PTPRD: variants seen among roughly 807,000 people sequenced by gnomAD.
PTPRD encodes the protein protein tyrosine phosphatase receptor type D, also known as receptor-type tyrosine-protein phosphatase delta.
In PTPRD, 34 loss-of-function variants were observed where a neutral mutation model predicts 214.5. That is an observed-to-expected ratio of 0.16 (90% CI 0.12 to 0.21). The LOEUF is 0.21. PTPRD is among the 10% of genes least tolerant of loss of function. The pLI, the probability that PTPRD is intolerant of heterozygous loss-of-function variation, is 1.00. For missense variants in PTPRD, 2,545 were observed against 2,398.7 expected, an observed-to-expected ratio of 1.06 and a Z score of -1.27; for synonymous variants, 1,128 against 845.7, an observed-to-expected ratio of 1.33 and a Z score of -5.79.
Position 10,470,045 on chromosome 9 carries a change from T to C in PTPRD, c.-599-129028A>G, listed in dbSNP as rs959511669. On this transcript the variant is annotated intron_variant, in intron 2 of 45. Coordinates refer to ENST00000381196, the MANE Select transcript of PTPRD (RefSeq NM_002839.4). ...GAATAAAGAGGCGTTGGTTAACAGG[T>C]AGTGTTTGGTACCAAAATAGGGGGC... Among the ~76,000 whole-genome samples the C allele has an allele frequency of 3.4e-4, 51 of 151,738 alleles. 1 individual carries two copies. Among genetic ancestry groups the C allele is most frequent in the Admixed American group, 3.4e-3 (51 of 15,210 alleles).
intron 31 of PTPRD, among the ~76,000 whole-genome samples, chr9:8,466,602 A>G (rs1274224828): frequency 6.6e-6 from 1 of 151,908 alleles, no homozygotes; most frequent in Non-Finnish European, 1.5e-5. Context: ...CACAGGGTTT[A>G]ACAAGGGAAA....
chr9:9,574,291 T>C (rs1466244774), intron 8 of PTPRD, among the ~76,000 whole-genome samples: 1 of 151,988 alleles, frequency 6.6e-6, no homozygotes, highest in African/African-American at 2.4e-5. Context: ...CATAGTTACA[T>C]ACTTTACTCT....
chr9:10,594,018 T>C (rs1297751706), intron 2 of PTPRD, among the ~76,000 whole-genome samples: 1 of 151,918 alleles, frequency 6.6e-6, no homozygotes, highest in Non-Finnish European at 1.5e-5. Flanking sequence ...AGTATTGAAA[T>C]TTTTCCCTTT....
chr9:9,466,124 A>G (rs896618556), intron 8 of PTPRD, among the ~76,000 whole-genome samples: 2 of 152,062 alleles, frequency 1.3e-5, no homozygotes, highest in Non-Finnish European at 2.9e-5. Context: ...CCTGGCCAAC[A>G]TGGCAAAACC....
At chr9:8,673,065 T>C (rs1226573255) in intron 12 of PTPRD, among the ~76,000 whole-genome samples, 1 of 152,152 alleles carries the variant, frequency 6.6e-6, no homozygotes, top group Admixed American at 6.6e-5. Flanking sequence ...ACTTGATTTT[T>C]TTTCTACTAA....
At chr9:10,112,078 C>A (rs951061206) in intron 3 of PTPRD, among the ~76,000 whole-genome samples, 1 of 152,162 alleles carries the variant, frequency 6.6e-6, no homozygotes, top group African/African-American at 2.4e-5. Context: ...CAATGAATAT[C>A]CAGGTACCTG....
chr9:9,133,655 C>G (rs1225628177), intron 10 of PTPRD, among the ~76,000 whole-genome samples: 1 of 152,112 alleles, frequency 6.6e-6, no homozygotes, highest in African/African-American at 2.4e-5. Flanking sequence ...TTGGATCACA[C>G]TGGAATATGA....
chr9:8,704,032 T>C (rs1159778606), intron 12 of PTPRD, among the ~76,000 whole-genome samples: 1 of 152,118 alleles, frequency 6.6e-6, no homozygotes, highest in Non-Finnish European at 1.5e-5. Context: ...AGGAAATAAT[T>C]TACTTCCTCT....
intron 11 of PTPRD, among the ~76,000 whole-genome samples, chr9:8,834,554 TA>T (rs2097371542): frequency 1.3e-5 from 2 of 152,322 alleles, no homozygotes; most frequent in African/African-American, 4.8e-5. Flanking sequence ...TTAATACTAA[TA>T]AAAATTGATT....
At chr9:10,366,780 T>C (rs1268918670) in intron 2 of PTPRD, among the ~76,000 whole-genome samples, 1 of 152,176 alleles carries the variant, frequency 6.6e-6, no homozygotes, top group Non-Finnish European at 1.5e-5. Context: ...CATGTTTTGA[T>C]GCCACATACA....
At chr9:10,121,131 G>A (rs2098771630) in intron 3 of PTPRD, among the ~76,000 whole-genome samples, 3 of 152,030 alleles carry the variant, frequency 2.0e-5, no homozygotes, top group Non-Finnish European at 2.9e-5. Context: ...TTGATTATTA[G>A]CTTGTATAGT....
intron 11 of PTPRD, among the ~76,000 whole-genome samples, chr9:9,002,046 C>A (rs2099423727): frequency 6.6e-6 from 1 of 151,616 alleles, no homozygotes; most frequent in African/African-American, 2.4e-5. Context: ...CCTTATATTA[C>A]AGCATTCTGA....
Position 9,179,566 on chromosome 9 carries a change from C to T in PTPRD, c.-143+3738G>A, listed in dbSNP as rs547561754. 5.3e-5 allele frequency among the ~76,000 whole-genome samples: 8 copies of T among 152,236 alleles called. No individual in the cohort carries two copies. In the South Asian group the frequency reaches 1.4e-3, roughly 28 times the overall value. ...TTAAATACCCTCTAACATTCTCAAT[C>T]AGCCATTGATTAAGCATCTATGGTT... On this transcript the variant is annotated intron_variant, in intron 10 of 45. Coordinates refer to ENST00000381196, the MANE Select transcript of PTPRD (RefSeq NM_002839.4).
chr9:10,274,590 G>A (rs987209859), intron 3 of PTPRD, among the ~76,000 whole-genome samples: 1 of 152,150 alleles, frequency 6.6e-6, no homozygotes, highest in South Asian at 2.1e-4. Flanking sequence ...TGAATATTGG[G>A]CTTGCATTCA....
chr9:9,524,715 A>T (rs1480920785), intron 8 of PTPRD, among the ~76,000 whole-genome samples: 1 of 152,182 alleles, frequency 6.6e-6, no homozygotes, highest in East Asian at 1.9e-4. Context: ...ATTATCTTTG[A>T]TATTTTCCAG....
intron 6 of PTPRD, among the ~76,000 whole-genome samples, chr9:9,749,509 G>A (rs2154463666): frequency 6.6e-6 from 1 of 152,090 alleles, no homozygotes; most frequent in South Asian, 2.1e-4. Flanking sequence ...TAAAACACTG[G>A]ATGACATTAT....
intron 37 of PTPRD, among the ~76,000 whole-genome samples, chr9:8,387,987 C>T (rs2087809232): frequency 6.6e-6 from 1 of 152,110 alleles, no homozygotes; most frequent in African/African-American, 2.4e-5. Context: ...AGATATTTGT[C>T]TTCAGTGTCA....
chr9:9,656,449 G>C (rs1407828974), intron 7 of PTPRD, among the ~76,000 whole-genome samples: 1 of 152,100 alleles, frequency 6.6e-6, no homozygotes, highest in Non-Finnish European at 1.5e-5. Context: ...GATCTCCTAA[G>C]CCATGAAAGA....
At chr9:9,519,963 CAAAT>C (rs2096926749) in intron 8 of PTPRD, among the ~76,000 whole-genome samples, 1 of 151,928 alleles carries the variant, frequency 6.6e-6, no homozygotes, top group African/African-American at 2.4e-5. Flanking sequence ...CAATGATAGA[CAAAT>C]AAAATAATGG....
Sources: allele counts gnomAD v4.1 joint callset (sites outside exome capture counted in the v4.1 genomes callset), GRCh38; gene constraint gnomAD v4.1.1; transcripts MANE v1.5; gene names NCBI Gene and HGNC (gene_info 2026-07-23, HGNC 2026-07-21).